The following NYAP2 variants were observed in gnomAD, a reference collection of about 807,000 sequenced individuals.
NYAP2 encodes the protein neuronal tyrosine-phosphorylated phosphoinositide-3-kinase adapter 2.
A neutral mutation model predicts 50.4 loss-of-function variants in NYAP2; 23 were observed. That is an observed-to-expected ratio of 0.46 (90% CI 0.33 to 0.65). NYAP2 has a LOEUF of 0.65. Among genes scored for constraint, NYAP2 ranks in the 30% least tolerant of loss-of-function variants. NYAP2 has a pLI of 0.02. For synonymous variants in NYAP2, 394 were observed against 365.2 expected (o/e 1.08, Z -0.90); for missense variants, 885 against 861.0 (o/e 1.03, Z -0.35).
At chr2:225,614,007 A>G (rs762150753) in intron 5 of NYAP2, among the ~76,000 whole-genome samples, 6 of 152,178 alleles carry the variant, frequency 3.9e-5, no homozygotes, top group Non-Finnish European at 8.8e-5. Flanking sequence ...TTGGTGTCAT[A>G]GAAGTATACA....
At chr2:225,502,055 G>A (rs1013480874) in intron 3 of NYAP2, among the ~76,000 whole-genome samples, 15 of 152,178 alleles carry the variant, frequency 9.9e-5, no homozygotes, top group African/African-American at 3.6e-4. Flanking sequence ...AAGACCATGA[G>A]TATAACTTAA....
chr2:225,517,205 G>A (rs1690951944), intron 4 of NYAP2, among the ~76,000 whole-genome samples: 2 of 152,154 alleles, frequency 1.3e-5, no homozygotes, highest in Admixed American at 1.3e-4. Context: ...ATATAGTGGT[G>A]AGCATAAACT....
At chr2:225,533,791 A>G (rs1411220458) in intron 4 of NYAP2, among the ~76,000 whole-genome samples, 1 of 152,226 alleles carries the variant, frequency 6.6e-6, no homozygotes, top group Non-Finnish European at 1.5e-5. Context: ...CAGATAAATG[A>G]AAATTAGACC....
At chr2:225,503,729 A>G (rs1284778160) in intron 3 of NYAP2, among the ~76,000 whole-genome samples, 2 of 152,204 alleles carry the variant, frequency 1.3e-5, no homozygotes, top group Non-Finnish European at 2.9e-5. Flanking sequence ...ATAACTCCCT[A>G]GCCATGATTA....
chr2:225,644,656 A>T (rs1156299360), intron 6 of NYAP2, among the ~76,000 whole-genome samples: 2 of 147,646 alleles, frequency 1.4e-5, no homozygotes, highest in South Asian at 2.3e-4. Flanking sequence ...AGCTTTCTAC[A>T]TATGGCTAGC....
At chr2:225,529,911 G>A (rs2106196429) in intron 4 of NYAP2, among the ~76,000 whole-genome samples, 1 of 151,694 alleles carries the variant, frequency 6.6e-6, no homozygotes, top group Admixed American at 6.6e-5. Context: ...GTTTCACCAT[G>A]TTGGCCAGGA....
chr2:225,445,778 C>T (rs1172665376), intron 3 of NYAP2, among the ~76,000 whole-genome samples: 3 of 151,804 alleles, frequency 2.0e-5, no homozygotes, highest in South Asian at 2.1e-4. Flanking sequence ...TAAAATATTA[C>T]AAAGAAGAAA....
At chr2:225,433,816 C>CAAAAAAAAAAA (rs35886164) in intron 3 of NYAP2, among the ~76,000 whole-genome samples, 1 of 62,482 alleles carries the variant, frequency 1.6e-5, no homozygotes, top group Non-Finnish European at 2.6e-5. Flanking sequence ...GACTCCGTCT[C>CAAAAAAAAAAA]AAAAAAAAAA....
rs1191825003 is a variant in NYAP2, at chr2:225,582,263, C to A, written c.846C>A (p.Asp282Glu). The A allele has an allele frequency of 1.2e-6, 2 of 1,613,920 alleles. No homozygotes were observed. Among genetic ancestry groups the A allele is most frequent in the East Asian group, 2.2e-5 (1 of 44,874 alleles). Reference sequence around the variant, plus strand: ...CTATCTTTGACGACTTGGGCCAAGACGCCAAATGTGACTTCGACCATCACA... The same window carrying A: ...CTATCTTTGACGACTTGGGCCAAGAAGCCAAATGTGACTTCGACCATCACA... The change falls in exon 5 of 7, where the codon GAC (aspartate) becomes GAA (glutamate). Residue 282 changes from aspartate (D) to glutamate (E), a missense_variant. Asp to Glu is a conservative substitution (Grantham distance 45, BLOSUM62 2). Transcript: ENST00000636099. This position sits in a 1 kb window ranked among gnomAD's most constrained non-coding sequence, Gnocchi z 7.0.
chr2:225,452,203 A>C (rs1439246333), intron 3 of NYAP2, among the ~76,000 whole-genome samples: 1 of 152,214 alleles, frequency 6.6e-6, no homozygotes, highest in Non-Finnish European at 1.5e-5. Context: ...GCTTAGACTA[A>C]GTCCTTTAAC....
At chr2:225,543,756 T>C (rs1014259699) in intron 4 of NYAP2, among the ~76,000 whole-genome samples, 3 of 152,110 alleles carry the variant, frequency 2.0e-5, no homozygotes, top group African/African-American at 7.2e-5. Context: ...TAAAATGTTC[T>C]ATAAATATCT....
chr2:225,598,539 GA>G (rs1692645032), intron 5 of NYAP2, among the ~76,000 whole-genome samples: 1 of 152,138 alleles, frequency 6.6e-6, no homozygotes, highest in Admixed American at 6.5e-5. Context: ...GTGATTATTT[GA>G]GATGAAAAAA....
intron 3 of NYAP2, among the ~76,000 whole-genome samples, chr2:225,457,173 C>T (rs1023274921): frequency 2.0e-5 from 3 of 152,176 alleles, no homozygotes; most frequent in Non-Finnish European, 4.4e-5. Flanking sequence ...CAATGTACAT[C>T]CTGTGCTTTT....
At chr2:225,595,932 A>G (rs1692589331) in intron 5 of NYAP2, among the ~76,000 whole-genome samples, 1 of 152,074 alleles carries the variant, frequency 6.6e-6, no homozygotes. Context: ...AGGCTTCCTA[A>G]TTGGGCTCTG....
intron 3 of NYAP2, among the ~76,000 whole-genome samples, chr2:225,446,263 T>C (rs1262668643): frequency 2.2e-5 from 3 of 135,716 alleles, no homozygotes; most frequent in Non-Finnish European, 3.2e-5. Flanking sequence ...TATATATATA[T>C]ATATATATAT....
chr2:225,666,405 G>T, the NYAP2 span, among the ~76,000 whole-genome samples: 1 of 152,152 alleles, frequency 6.6e-6, no homozygotes, highest in African/African-American at 2.4e-5. Context: ...GGGGTCCTGA[G>T]AATATTTCCC....
At chr2:225,445,665 T>C (rs1021875704) in intron 3 of NYAP2, among the ~76,000 whole-genome samples, 1 of 152,062 alleles carries the variant, frequency 6.6e-6, no homozygotes, top group Non-Finnish European at 1.5e-5. Context: ...AATGTAAAGC[T>C]TAAGAAATGT....
chr2:225,449,327 A>G (rs1574620690), intron 3 of NYAP2, among the ~76,000 whole-genome samples: 2 of 152,336 alleles, frequency 1.3e-5, no homozygotes, highest in South Asian at 4.1e-4. Flanking sequence ...TTCCACACAA[A>G]GTAAACTTCA....
the NYAP2 span, among the ~76,000 whole-genome samples, chr2:225,697,065 T>G: frequency 6.6e-6 from 1 of 151,952 alleles, no homozygotes; most frequent in African/African-American, 2.4e-5. Context: ...TACAGTAGAT[T>G]TGTTTAAACA....
Sources: allele counts gnomAD v4.1 joint callset (sites outside exome capture counted in the v4.1 genomes callset), GRCh38; gene constraint gnomAD v4.1.1; non-coding constraint Gnocchi (gnomAD v3.1); transcripts MANE v1.5; gene names NCBI Gene and HGNC (gene_info 2026-07-23, HGNC 2026-07-21).